The following RAB3C variants were observed in gnomAD, a reference collection of about 807,000 sequenced individuals.
RAB3C encodes RAB3C, member RAS oncogene family, also known as ras-related protein Rab-3C.
In RAB3C, 17 loss-of-function variants were observed where a neutral mutation model predicts 26.4. The ratio of observed to expected loss-of-function variants is 0.64; its 90% CI spans 0.44 to 0.97. The LOEUF is 0.97. Among genes scored for constraint, RAB3C ranks in the 50% least tolerant of loss-of-function variants. The pLI, the probability that RAB3C is intolerant of heterozygous loss-of-function variation, is 0.00. For synonymous variants in RAB3C, 91 were observed against 95.9 expected, an observed-to-expected ratio of 0.95 and a Z score of 0.30; for missense variants, 242 against 281.9, an observed-to-expected ratio of 0.86 and a Z score of 1.01.
chr5:58,617,160 A>T (rs1373318508), intron 1 of RAB3C, among the ~76,000 whole-genome samples: 3 of 152,170 alleles, frequency 2.0e-5, no homozygotes, highest in Non-Finnish European at 2.9e-5. Context: ...TGTTGATTTG[A>T]TATGATAATA....
intron 3 of RAB3C, among the ~76,000 whole-genome samples, chr5:58,798,155 T>A (rs897469158): frequency 2.0e-5 from 3 of 151,754 alleles, no homozygotes; most frequent in Non-Finnish European, 4.4e-5. Context: ...ACATAGAAAA[T>A]CACAATTTTT....
At chr5:58,670,710 G>A (rs747610472) in intron 2 of RAB3C, among the ~76,000 whole-genome samples, 102 of 152,290 alleles carry the variant, frequency 6.7e-4, no homozygotes, top group Admixed American at 1.6e-3. Context: ...AACTGTTAAA[G>A]TACATTAAGC....
chr5:58,663,014 C>T (rs1156381199), intron 2 of RAB3C, among the ~76,000 whole-genome samples: 1 of 150,164 alleles, frequency 6.7e-6, no homozygotes. Context: ...AATTGCTTGC[C>T]ATTGAAGAAA....
At position 58,855,945 on chromosome 5, in the gene RAB3C, A is replaced by G. The variant is rs916160220; in HGVS notation, c.*4594A>G. The G allele has an allele frequency of 6.6e-6, 1 of 152,206 alleles. No homozygotes were observed. The highest frequency in any genetic ancestry group is 1.5e-5 in the Non-Finnish European group (1 of 68,036). The allele number at this position is 152,206 out of a possible 1,614,324, so 9.4% of individuals were successfully genotyped here. On this transcript the variant is annotated 3_prime_UTR_variant, in exon 5 of 5. Transcript: ENST00000282878. ...TAATTTTTTTCTTAAAAATATTTAC[A>G]GAAATGCTTGACACTCCGGTCAAAT...
At chr5:58,762,566 G>A (rs1393710558) in intron 3 of RAB3C, among the ~76,000 whole-genome samples, 3 of 152,028 alleles carry the variant, frequency 2.0e-5, no homozygotes, top group Non-Finnish European at 2.9e-5. Context: ...CGTGGCTGGT[G>A]CCTGTAATCC....
intron 2 of RAB3C, among the ~76,000 whole-genome samples, chr5:58,666,382 C>T (rs900928577): frequency 3.3e-5 from 5 of 152,258 alleles, no homozygotes; most frequent in Non-Finnish European, 7.4e-5. Context: ...GAAGTGTTCA[C>T]ATCTCTAGTT....
At chr5:58,751,357 T>C (rs915375249) in intron 3 of RAB3C, among the ~76,000 whole-genome samples, 3 of 152,184 alleles carry the variant, frequency 2.0e-5, no homozygotes, top group African/African-American at 7.2e-5. Context: ...AGGCACTTAG[T>C]AAACATTTGT....
At chr5:58,748,696 G>A (rs187620825) in intron 3 of RAB3C, among the ~76,000 whole-genome samples, 2 of 152,240 alleles carry the variant, frequency 1.3e-5, no homozygotes, top group Admixed American at 1.3e-4. Flanking sequence ...CCTTTAGGAA[G>A]AATTTAGAAC....
chr5:58,755,782 A>G (rs1452252852), intron 3 of RAB3C, among the ~76,000 whole-genome samples: 1 of 152,214 alleles, frequency 6.6e-6, no homozygotes, highest in Non-Finnish European at 1.5e-5. Context: ...AGTACTAGGC[A>G]ATAGTTTGCA....
intron 2 of RAB3C, among the ~76,000 whole-genome samples, chr5:58,699,966 T>C (rs1013881869): frequency 3.9e-5 from 6 of 152,226 alleles, no homozygotes; most frequent in African/African-American, 1.4e-4. Flanking sequence ...CTCTGTGGGC[T>C]GCACCCACTC....
chr5:58,851,223 C>G lies in RAB3C; in HGVS notation c.556C>G (p.Arg186Gly), dbSNP rs199852469. ...CATTAATGTCAAGCAGACATTTGAG[C>G]GCCTTGTGGATATCATCTGCGACAA... Reference protein sequence around the residue: ...DNINVKQTFERLVDIICDKMS... With the variant: ...DNINVKQTFEGLVDIICDKMS... The change falls in exon 5 of 5, where the codon CGC becomes GGC. Residue 186 changes from arginine (R) to glycine (G), a missense_variant. Coordinates refer to ENST00000282878, the MANE Select transcript of RAB3C (RefSeq NM_138453.4). 5 of 1,613,430 alleles carry G rather than the reference C, an allele frequency of 3.1e-6. No individual in the cohort carries two copies. The African/African-American group carries it at 5.3e-5, about 17-fold the overall frequency.
chr5:58,819,587 A>G (rs1393959978), intron 3 of RAB3C, among the ~76,000 whole-genome samples: 2 of 152,198 alleles, frequency 1.3e-5, no homozygotes, highest in African/African-American at 2.4e-5. Context: ...TTACTTACCC[A>G]TCTACGGCTG....
At chr5:58,846,948 G>A (rs948526526) in intron 4 of RAB3C, 2 of 152,080 alleles carry the variant, frequency 1.3e-5, no homozygotes, top group South Asian at 2.1e-4. Flanking sequence ...GTGTCCCGCT[G>A]TACCTGTAGT....
chr5:58,636,042 T>C (rs990364635), intron 2 of RAB3C, among the ~76,000 whole-genome samples: 2 of 152,240 alleles, frequency 1.3e-5, no homozygotes, highest in Non-Finnish European at 2.9e-5. Context: ...TTACATTAAT[T>C]ACCTGTTTGA....
intron 2 of RAB3C, among the ~76,000 whole-genome samples, chr5:58,683,658 A>G (rs1036595405): frequency 1.3e-5 from 2 of 152,244 alleles, no homozygotes; most frequent in African/African-American, 2.4e-5. Flanking sequence ...CCAGAAATAA[A>G]CAATTCATAC....
intron 3 of RAB3C, among the ~76,000 whole-genome samples, chr5:58,764,530 T>G (rs1741858649): frequency 1.3e-5 from 2 of 152,216 alleles, no homozygotes. Flanking sequence ...CCATTTTCAA[T>G]TAAGCAAATA....
chr5:58,639,372 A>G (rs1437767423), intron 2 of RAB3C, among the ~76,000 whole-genome samples: 2 of 152,146 alleles, frequency 1.3e-5, no homozygotes, highest in Non-Finnish European at 2.9e-5. Context: ...AATACTATAA[A>G]CAAGTTGCTC....
Position 58,851,303 on chromosome 5 carries a change from G to A in RAB3C, c.636G>A (p.Thr212=), listed in dbSNP as rs759122549. The change falls in exon 5 of 5, where the codon ACG becomes ACA. Residue 212 remains threonine, a synonymous_variant. Coordinates refer to ENST00000282878, the MANE Select transcript of RAB3C (RefSeq NM_138453.4). ...CCATCACTGCTGCAAAGCAGAACAC[G>A]AGACTCAAGGAAACTCCTCCTCCAC... ...DPAITAAKQN[T]RLKETPPPPQ... 30 of 1,611,752 alleles carry A rather than the reference G, an allele frequency of 1.9e-5. 1 individual carries two copies. In the Middle Eastern group the frequency reaches 4.9e-4, roughly 27 times the overall value.
intron 3 of RAB3C, among the ~76,000 whole-genome samples, chr5:58,821,188 T>C (rs1243474575): frequency 2.0e-5 from 3 of 152,184 alleles, no homozygotes; most frequent in Non-Finnish European, 4.4e-5. Context: ...CTTACACAAC[T>C]GTGACACTCT....
Sources: gnomAD v4.1 joint callset for allele counts (sites outside exome capture counted in the v4.1 genomes callset) on GRCh38, gnomAD v4.1.1 for gene constraint, MANE v1.5 for transcripts, NCBI Gene and HGNC (gene_info 2026-07-23, HGNC 2026-07-21) for gene names.